The following VWA5B1 variants were observed in gnomAD, a reference collection of about 807,000 sequenced individuals.
VWA5B1 encodes the protein von Willebrand factor A domain containing 5B1.
In VWA5B1, 115 loss-of-function variants were observed where a neutral mutation model predicts 118.2. The observed-to-expected ratio is 0.97, with a 90% CI of 0.84 to 1.14. The LOEUF is 1.14. Among genes scored for constraint, VWA5B1 ranks in the 50% most tolerant of loss-of-function variants. The probability of loss-of-function intolerance (pLI) is 0.00; values close to 1 mark genes in which losing one functional copy is unlikely to be tolerated. For missense variants in VWA5B1, 1,596 were observed against 1,603.8 expected (o/e 1.00, Z 0.08); for synonymous variants, 682 against 658.4 (o/e 1.04, Z -0.55).
intron 4 of VWA5B1, among the ~76,000 whole-genome samples, chr1:20,316,619 T>C (rs1195584634): frequency 6.6e-6 from 1 of 151,768 alleles, no homozygotes; most frequent in Non-Finnish European, 1.5e-5. Flanking sequence ...GGATGGGAGA[T>C]GGGGTGGAGA....
At chr1:20,297,814 C>T (rs2100799086) in intron 1 of VWA5B1, among the ~76,000 whole-genome samples, 1 of 152,224 alleles carries the variant, frequency 6.6e-6, no homozygotes, top group South Asian at 2.1e-4. Context: ...CTCCAAACCT[C>T]TTGTGTTATT....
At position 20,336,421 on chromosome 1, in the gene VWA5B1, C is replaced by A; in HGVS notation, c.1877C>A (p.Ala626Glu). Residue 626 changes from alanine to glutamate, a missense_variant, in exon 13 of 22, where the codon GCA becomes GAA. Physicochemically the swap from Ala to Glu is moderately radical, Grantham distance 107. Transcript: ENST00000289815. ...EGGDCAKNSG[A>E]PFILGQAKNA... ...GGAGACTGTGCCAAGAACTCGGGGG[C>A]ACCCTTCATCCTAGGGCAGGCCAAA... 1 of 1,520,164 alleles carries A rather than the reference C, an allele frequency of 6.6e-7. No individual in the cohort carries two copies. Among genetic ancestry groups the A allele is most frequent in the Non-Finnish European group, 8.8e-7 (1 of 1,130,594 alleles). The allele number at this position is 1,520,164 out of a possible 1,614,324, so 94.2% of individuals were successfully genotyped here. A position where few individuals can be genotyped will look rare whatever the true frequency, so the allele number is the denominator to read the frequency against.
Position 20,319,438 on chromosome 1 carries a change from G to C in VWA5B1, c.898G>C (p.Asp300His). ...AGGGGACATGACCCTGGGAGAGTTTGACCAGCACTTGAAGGGAAGAACAGA... is the reference window on the plus strand; with the variant it reads ...AGGGGACATGACCCTGGGAGAGTTTCACCAGCACTTGAAGGGAAGAACAGA... ...EKGDMTLGEF[D>H]QHLKGRTDFI... Residue 300 changes from aspartate (D) to histidine (H), a missense_variant, in exon 7 of 22, where the codon GAC (aspartate) becomes CAC (histidine). By Grantham distance (81) the Asp-to-His change is moderately conservative. Transcript: ENST00000289815. 6.4e-7 allele frequency: 1 copy of C among 1,551,770 alleles called. No individual in the cohort carries two copies. Among genetic ancestry groups the C allele is most frequent in the Non-Finnish European group, 8.7e-7 (1 of 1,147,010 alleles).
intron 7 of VWA5B1, among the ~76,000 whole-genome samples, chr1:20,320,676 C>T (rs553243977): frequency 1.4e-4 from 21 of 152,348 alleles, no homozygotes; most frequent in East Asian, 9.6e-4. Context: ...AGCCCGTATT[C>T]TCACAAACTC....
chr1:20,350,849 C>T lies in VWA5B1; in HGVS notation c.2954-8C>T, dbSNP rs1444770787. ...AGGTCTCAACTTGGTCATTCTGTGG[C>T]TCTCCAGGTCCCCAGCGCAGCCTGG... On this transcript the variant is annotated splice_polypyrimidine_tract_variant and splice_region_variant and intron_variant, in intron 19 of 21. Coordinates refer to ENST00000289815, the MANE Select transcript of VWA5B1 (RefSeq NM_001039500.3). 1.9e-6 allele frequency: 3 copies of T among 1,551,784 alleles called. No individual in the cohort carries two copies. The South Asian group carries it at 3.6e-5, about 18-fold the overall frequency.
In VWA5B1 at chr1:20,330,968, G is replaced by A. The variant is rs759509382; in HGVS notation, c.1557G>A (p.Glu519=). 1.2e-5 allele frequency: 19 copies of A among 1,549,228 alleles called. No homozygotes were observed. The South Asian group carries it at 1.9e-4, about 16-fold the overall frequency. The change falls in exon 11 of 22, where the codon GAG becomes GAA. Residue 519 remains glutamate, a synonymous_variant. Transcript: ENST00000289815. ...EGSAELLMEG[E]RLQPKMVKSL... is the part of the protein sequence containing the mutation. Reference sequence around the variant, plus strand: ...GTGCTGAGCTCCTGATGGAGGGGGAGCGGCTGCAACCCAAGGTAGGCAGCA... The same window carrying A: ...GTGCTGAGCTCCTGATGGAGGGGGAACGGCTGCAACCCAAGGTAGGCAGCA...
chr1:20,305,194 G>A (rs1392215153), intron 1 of VWA5B1, among the ~76,000 whole-genome samples: 1 of 152,154 alleles, frequency 6.6e-6, no homozygotes, highest in East Asian at 1.9e-4. Context: ...GTGTTGGGAG[G>A]TTGCAATTTT....
chr1:20,345,436 C>T lies in VWA5B1; in HGVS notation c.2627-20C>T. 3 of 1,550,632 alleles carry T rather than the reference C, an allele frequency of 1.9e-6. No individual in the cohort carries two copies. The highest frequency in any genetic ancestry group is 2.6e-6 in the Non-Finnish European group (3 of 1,146,940). On this transcript the variant is annotated intron_variant, in intron 16 of 21. Coordinates refer to ENST00000289815, the MANE Select transcript of VWA5B1 (RefSeq NM_001039500.3). ...AGACTTTCTGAGTCCAAACAGTGAC[C>T]CCAGTTTCTCCCTCCACAGGGTCCA...
At chr1:20,332,410 G>A (rs564257939) in intron 11 of VWA5B1, among the ~76,000 whole-genome samples, 126 of 151,588 alleles carry the variant, frequency 8.3e-4, no homozygotes, top group Middle Eastern at 3.4e-3. Flanking sequence ...AACCCAAGAG[G>A]TGGATGTTGC....
intron 8 of VWA5B1, among the ~76,000 whole-genome samples, chr1:20,326,802 C>A (rs1570143358): frequency 6.6e-6 from 1 of 152,048 alleles, no homozygotes; most frequent in Non-Finnish European, 1.5e-5. Flanking sequence ...CAATCCAGGG[C>A]AATTCCTTAG....
At chr1:20,337,514 G>A in intron 13 of VWA5B1, 132 bp from the exon 14 acceptor site, 1 of 1,002,080 alleles carries the variant, frequency 1.0e-6, no homozygotes, top group Non-Finnish European at 1.4e-6. Context: ...GATGCCAGGG[G>A]AGGCATCTGC....
At chr1:20,350,359 G>T in intron 19 of VWA5B1, 129 bp downstream of exon 19, 1 of 1,030,020 alleles carries the variant, frequency 9.7e-7, no homozygotes, top group Non-Finnish European at 1.4e-6. Context: ...CCGTCTGCAT[G>T]GGGAATAGGA....
chr1:20,345,336 G>A (rs1284513156), intron 16 of VWA5B1, 120 bp from the exon 17 acceptor site: 3 of 1,334,452 alleles, frequency 2.2e-6, no homozygotes, highest in South Asian at 1.4e-5. Flanking sequence ...GATTTTAAAG[G>A]CTTCTTTAAT....
rs72982039 is a variant in VWA5B1, at chr1:20,306,273, C to A, written c.-26-4303C>A. ...GAGCGAGCCATGAGCACGTGCATGT[C>A]TAGAGGCTGGAGTGAATCAATTAAG... On this transcript the variant is annotated intron_variant, in intron 1 of 21. Transcript: ENST00000289815. 1.4e-3 allele frequency among the ~76,000 whole-genome samples: 218 copies of A among 151,934 alleles called. 1 individual carries two copies. The highest frequency in any genetic ancestry group is 5.2e-3 in the African/African-American group (215 of 41,406).
At position 20,354,294 on chromosome 1, in the gene VWA5B1, G is replaced by C; in HGVS notation, c.*31G>C. The C allele has an allele frequency of 6.8e-7, 1 of 1,462,208 alleles. No individual in the cohort carries two copies. Among genetic ancestry groups the C allele is most frequent in the South Asian group, 1.3e-5 (1 of 75,612 alleles). The allele number at this position is 1,462,208 out of a possible 1,614,324, so 90.6% of individuals were successfully genotyped here. A position where few individuals can be genotyped will look rare whatever the true frequency, so the allele number is the denominator to read the frequency against. On this transcript the variant is annotated 3_prime_UTR_variant, in exon 22 of 22. Coordinates refer to ENST00000289815, the MANE Select transcript of VWA5B1 (RefSeq NM_001039500.3). Reference sequence around the variant, plus strand: ...TGACGGGGAGGCTGGGTGGAGGGAAGGGTGGGGAGGAGAGGGATGGGCAGG... The same window carrying C: ...TGACGGGGAGGCTGGGTGGAGGGAACGGTGGGGAGGAGAGGGATGGGCAGG...
chr1:20,318,823 C>G, intron 6 of VWA5B1, 102 bp downstream of exon 6: 1 of 1,402,358 alleles, frequency 7.1e-7, no homozygotes, highest in Non-Finnish European at 9.3e-7. Flanking sequence ...AGCTAGCTAG[C>G]CAGGGAAAGA....
At chr1:20,352,549 T>C (rs1248729754) in intron 21 of VWA5B1, among the ~76,000 whole-genome samples, 5 of 152,112 alleles carry the variant, frequency 3.3e-5, no homozygotes, top group Non-Finnish European at 5.9e-5. Flanking sequence ...CACAAGTGAG[T>C]AAAATTAACA....
At chr1:20,301,031 G>A (rs954582454) in intron 1 of VWA5B1, among the ~76,000 whole-genome samples, 1 of 152,234 alleles carries the variant, frequency 6.6e-6, no homozygotes, top group African/African-American at 2.4e-5. Flanking sequence ...TGGAGGGGGC[G>A]CATTGTGTAC....
chr1:20,343,066 C>T lies in VWA5B1; in HGVS notation c.2312-13C>T. ...CAGGTCAGCGCTTGGCCCACTTGTC[C>T]CTCTGCCCGCAGAGCCGTCCCACCA... is the stretch of plus-strand genomic sequence containing the variant. On this transcript the variant is annotated splice_polypyrimidine_tract_variant and intron_variant, in intron 15 of 21. Coordinates refer to ENST00000289815, the MANE Select transcript of VWA5B1 (RefSeq NM_001039500.3). The T allele has an allele frequency of 6.7e-7, 1 of 1,498,746 alleles. No individual in the cohort carries two copies. The highest frequency in any genetic ancestry group is 8.9e-7 in the Non-Finnish European group (1 of 1,117,888). The allele number at this position is 1,498,746 out of a possible 1,614,324, so 92.8% of individuals were successfully genotyped here. A position where few individuals can be genotyped will look rare whatever the true frequency, so the allele number is the denominator to read the frequency against.
Sources: allele counts gnomAD v4.1 joint callset (sites outside exome capture counted in the v4.1 genomes callset), GRCh38; gene constraint gnomAD v4.1.1; transcripts MANE v1.5; gene names NCBI Gene and HGNC (gene_info 2026-07-23, HGNC 2026-07-21).